The following NBAS variants were observed in gnomAD, a reference collection of about 807,000 sequenced individuals.
The protein encoded by NBAS is NAG/BC035112 fusion.
Under a neutral mutation model 302.5 loss-of-function variants are expected in NBAS, and 219 were observed. That is an observed-to-expected ratio of 0.72 (90% CI 0.65 to 0.81). The LOEUF is 0.81. Among genes scored for constraint, NBAS ranks in the 30% least tolerant of loss-of-function variants. The pLI is 0.00. For missense variants in NBAS, 2,932 were observed against 2,841.6 expected, an observed-to-expected ratio of 1.03 and a Z score of -0.72; for synonymous variants, 1,118 against 1,021.6, an observed-to-expected ratio of 1.09 and a Z score of -1.80.
chr2:14,980,436 A>C, the NBAS span, among the ~76,000 whole-genome samples: 1 of 152,216 alleles, frequency 6.6e-6, no homozygotes, highest in African/African-American at 2.4e-5. Context: ...TGCTCCAAAA[A>C]AACCAGCAGC....
At chr2:15,258,174 T>C (rs1668690183) in intron 44 of NBAS, among the ~76,000 whole-genome samples, 1 of 152,220 alleles carries the variant, frequency 6.6e-6, no homozygotes, top group African/African-American at 2.4e-5. Flanking sequence ...TTCTTATGCC[T>C]GTCTTACATT....
the NBAS span, among the ~76,000 whole-genome samples, chr2:14,887,261 G>A: frequency 3.9e-5 from 6 of 152,058 alleles, no homozygotes; most frequent in South Asian, 2.1e-4. Context: ...AAAATTATTC[G>A]GGCATGGTGG....
the NBAS span, among the ~76,000 whole-genome samples, chr2:14,956,474 A>G: frequency 6.6e-6 from 1 of 152,198 alleles, no homozygotes; most frequent in Non-Finnish European, 1.5e-5. Context: ...CACGCTCTGT[A>G]GTACCAATTT....
the NBAS span, among the ~76,000 whole-genome samples, chr2:15,029,630 T>A: frequency 6.6e-6 from 1 of 152,240 alleles, no homozygotes; most frequent in Non-Finnish European, 1.5e-5. Flanking sequence ...TGGTGACTGA[T>A]CAAAACATTC....
rs539418607 is a variant in NBAS, at chr2:15,218,898, C to G, written c.6307G>C (p.Val2103Leu). ...RPFCADDAWP[V>L]RPRIHVLQIL... ...TGCAGCACGTGAATGCGGGGCCGCACCGGCCAGGCGTCATCAGCACAGAAA... is the reference window on the plus strand; with the variant it reads ...TGCAGCACGTGAATGCGGGGCCGCAGCGGCCAGGCGTCATCAGCACAGAAA... The change falls in exon 48 of 52, where the codon GTG (valine) becomes CTG (leucine). Residue 2103 changes from valine to leucine, a missense_variant. Val to Leu is a conservative substitution (Grantham distance 32). Transcript: ENST00000281513. 5.6e-5 allele frequency: 91 copies of G among 1,614,266 alleles called. No individual in the cohort carries two copies. In the South Asian group the frequency reaches 9.9e-4, roughly 18 times the overall value.
intron 39 of NBAS, 133 bp downstream of exon 39, chr2:15,309,038 T>C: frequency 2.6e-6 from 1 of 383,372 alleles, no homozygotes; most frequent in Non-Finnish European, 4.3e-6. Flanking sequence ...CATAAATAAA[T>C]AAATAAATAA....
chr2:15,508,136 A>C lies in NBAS; in HGVS notation c.885+3076T>G, dbSNP rs563003815. ...GCTGCAAGACACAGCCACTAACATA[A>C]TTAAAATACACTTGCAGCATTTCAA... On this transcript the variant is annotated intron_variant, in intron 10 of 51. Transcript: ENST00000281513. Among the ~76,000 whole-genome samples the C allele has an allele frequency of 5.2e-4, 79 of 152,356 alleles. 1 individual carries two copies. The South Asian group carries it at 0.016, about 31-fold the overall frequency.
At chr2:15,093,188 G>A in the NBAS span, among the ~76,000 whole-genome samples, 6 of 152,118 alleles carry the variant, frequency 3.9e-5, 1 homozygote, top group African/African-American at 1.4e-4. Context: ...GGCGGAGGCG[G>A]GCAGATCACT....
At chr2:15,127,985 C>G in the NBAS span, among the ~76,000 whole-genome samples, 4 of 152,308 alleles carry the variant, frequency 2.6e-5, no homozygotes, top group African/African-American at 9.6e-5. Context: ...GCTAAACTCT[C>G]TCTACTTATA....
At chr2:14,926,421 C>T in the NBAS span, among the ~76,000 whole-genome samples, 2 of 152,144 alleles carry the variant, frequency 1.3e-5, no homozygotes, top group East Asian at 1.9e-4. Flanking sequence ...TCTCCACTAA[C>T]GATTAGCTGT....
chr2:15,286,235 C>A (rs1338107782), intron 42 of NBAS, among the ~76,000 whole-genome samples: 1 of 152,136 alleles, frequency 6.6e-6, no homozygotes, highest in Non-Finnish European at 1.5e-5. Flanking sequence ...CTTGTCATGC[C>A]GTCTGTTACC....
chr2:14,809,480 C>T, the NBAS span, among the ~76,000 whole-genome samples: 149 of 152,318 alleles, frequency 9.8e-4, 1 homozygote, highest in African/African-American at 3.1e-3. Context: ...TGACATCTTC[C>T]ATGTGGTGTT....
intron 25 of NBAS, among the ~76,000 whole-genome samples, chr2:15,414,040 T>A (rs541228995): frequency 1.3e-5 from 2 of 152,216 alleles, no homozygotes; most frequent in Non-Finnish European, 1.5e-5. Context: ...AAAACATTCA[T>A]ATTCAATCCA....
intron 44 of NBAS, among the ~76,000 whole-genome samples, chr2:15,274,514 GA>G (rs1669479319): frequency 6.6e-6 from 1 of 152,090 alleles, no homozygotes; most frequent in Admixed American, 6.6e-5. Flanking sequence ...CCAGGAGAGA[GA>G]ATGCCCAGAG....
At chr2:14,934,200 G>A in the NBAS span, among the ~76,000 whole-genome samples, 2 of 152,250 alleles carry the variant, frequency 1.3e-5, no homozygotes, top group Admixed American at 1.3e-4. Flanking sequence ...TCAACACCCA[G>A]TCCCACTCCC....
the NBAS span, among the ~76,000 whole-genome samples, chr2:15,156,119 G>A: frequency 6.6e-6 from 1 of 151,658 alleles, no homozygotes; most frequent in Non-Finnish European, 1.5e-5. Context: ...TTTTTTCATT[G>A]TTCCTTTGAA....
chr2:14,871,750 T>C, the NBAS span, among the ~76,000 whole-genome samples: 3,097 of 152,186 alleles, frequency 0.02, 113 homozygotes, highest in African/African-American at 0.07. Flanking sequence ...AAGATAATCA[T>C]TAAAATATTG....
chr2:15,022,933 T>A, the NBAS span, among the ~76,000 whole-genome samples: 1 of 152,062 alleles, frequency 6.6e-6, no homozygotes. Flanking sequence ...TTTTCCTATT[T>A]AGTTTTTTTT....
chr2:14,825,251 G>A, the NBAS span, among the ~76,000 whole-genome samples: 84 of 152,276 alleles, frequency 5.5e-4, 1 homozygote, highest in African/African-American at 1.8e-3. Context: ...ACCTGCAGGT[G>A]CAACTCACTT....
Sources: gnomAD v4.1 joint callset for allele counts (sites outside exome capture counted in the v4.1 genomes callset) on GRCh38, gnomAD v4.1.1 for gene constraint, MANE v1.5 for transcripts, NCBI Gene and HGNC (gene_info 2026-07-23, HGNC 2026-07-21) for gene names.